PRRC1: variants seen among roughly 807,000 people sequenced by gnomAD.
PRRC1 encodes proline rich coiled-coil 1.
A neutral mutation model predicts 40.7 loss-of-function variants in PRRC1; 39 were observed. The observed-to-expected ratio is 0.96, with a 90% CI of 0.74 to 1.25. PRRC1 has a LOEUF of 1.25. Ranked by LOEUF, PRRC1 falls within the 50% of genes most tolerant of loss-of-function variation. The probability of loss-of-function intolerance (pLI) is 0.00; values close to 1 mark genes in which losing one functional copy is unlikely to be tolerated. For synonymous variants in PRRC1, 175 were observed against 193.3 expected, an observed-to-expected ratio of 0.91 and a Z score of 0.79; for missense variants, 573 against 548.3, an observed-to-expected ratio of 1.05 and a Z score of -0.45.
In PRRC1 at chr5:127,552,071, A is replaced by T; in HGVS notation, c.*155A>T. 1.4e-6 allele frequency: 2 copies of T among 1,436,776 alleles called. No homozygotes were observed. The highest frequency in any genetic ancestry group is 1.8e-6 in the Non-Finnish European group (2 of 1,097,014). 89.0% of individuals were successfully genotyped at this position (1,436,776 alleles called of 1,614,324 possible). ...ATTTTTCTTTCTCTAGAAAGGCATC[A>T]TGTCATTCCAGGAGACAAAAAGAAA... On this transcript the variant is annotated 3_prime_UTR_variant, in exon 9 of 9. Transcript: ENST00000296666.
intron 6 of PRRC1, 121 bp from the exon 7 acceptor site, chr5:127,538,919 T>TCC (rs1767965460): frequency 1.7e-6 from 1 of 593,522 alleles, no homozygotes; most frequent in Non-Finnish European, 2.8e-6. Context: ...GTTTGAACGT[T>TCC]TACAGTGAGT....
At chr5:127,529,339 C>T (rs976986903) in intron 4 of PRRC1, among the ~76,000 whole-genome samples, 3 of 151,426 alleles carry the variant, frequency 2.0e-5, no homozygotes, top group Non-Finnish European at 4.4e-5. Flanking sequence ...TTTTTAATAC[C>T]CCTCTGTACT....
At position 127,553,314 on chromosome 5, in the gene PRRC1, ATGAATATTAAATT is replaced by A. The variant is rs1245187335; in HGVS notation, c.*1411_*1423del. The A allele has an allele frequency of 2.0e-6, 2 of 985,028 alleles. No homozygotes were observed. The highest frequency in any genetic ancestry group is 2.4e-6 in the Non-Finnish European group (2 of 829,542). The allele number at this position is 985,028 out of a possible 1,614,324, so 61.0% of individuals were successfully genotyped here. A position where few individuals can be genotyped will look rare whatever the true frequency, so the allele number is the denominator to read the frequency against. On this transcript the variant is annotated 3_prime_UTR_variant, in exon 9 of 9. Coordinates refer to ENST00000296666, the MANE Select transcript of PRRC1 (RefSeq NM_130809.5). Reference sequence around the variant, plus strand: ...ATTTTTTTACCTGAGGATAAGAAGAATGAATATTAAATTTGAATATTAAATATATGTTACTTTC... The same window carrying A: ...ATTTTTTTACCTGAGGATAAGAAGAATGAATATTAAATATATGTTACTTTC...
chr5:127,531,617 C>CTTCTTTTTTTTT lies in PRRC1; in HGVS notation c.757+1223_757+1224insCTTTTTTTTTTT, dbSNP rs1268819647. On this transcript the variant is annotated intron_variant, in intron 5 of 8. Coordinates refer to ENST00000296666, the MANE Select transcript of PRRC1 (RefSeq NM_130809.5). Reference sequence around the variant, plus strand: ...GCCAGGTGTTTTTATTCTTCTTCTTCTTTTTTTTTTTTTTTTTTTTTTTGA... The same window carrying CTTCTTTTTTTTT: ...GCCAGGTGTTTTTATTCTTCTTCTTCTTCTTTTTTTTTTTTTTTTTTTTTTTTTTTTTTTTGA... Among the ~76,000 whole-genome samples the CTTCTTTTTTTTT allele has an allele frequency of 4.3e-4, 43 of 99,644 alleles. 1 individual carries two copies. The highest frequency in any genetic ancestry group is 1.9e-3 in the African/African-American group (41 of 21,560). 65.4% of individuals were successfully genotyped at this position (99,644 alleles called of 152,430 possible). A position where few individuals can be genotyped will look rare whatever the true frequency, so the allele number is the denominator to read the frequency against.
chr5:127,548,687 T>TATTGA, intron 8 of PRRC1: 1 of 152,184 alleles, frequency 6.6e-6, no homozygotes, highest in Admixed American at 6.5e-5. Flanking sequence ...CTAAGAAAAC[T>TATTGA]ATTGGGCTGT....
chr5:127,548,459 T>TA (rs1218075072), intron 8 of PRRC1: 1 of 151,700 alleles, frequency 6.6e-6, no homozygotes, highest in Admixed American at 6.6e-5. Flanking sequence ...TATTCCTCTT[T>TA]TTTTTTTTTT....
intron 7 of PRRC1, among the ~76,000 whole-genome samples, chr5:127,545,847 T>G (rs1011037338): frequency 1.3e-5 from 2 of 152,238 alleles, no homozygotes; most frequent in Non-Finnish European, 1.5e-5. Flanking sequence ...TGTTGTTTTC[T>G]CTGGCTGCTT....
intron 6 of PRRC1, among the ~76,000 whole-genome samples, chr5:127,535,095 A>C (rs1767863639): frequency 6.6e-6 from 1 of 152,172 alleles, no homozygotes; most frequent in Non-Finnish European, 1.5e-5. Flanking sequence ...TACGATGGTT[A>C]GGATACTGTG....
rs7522 is a variant in PRRC1, at chr5:127,551,877, G to A, written c.1299G>A (p.Ala433=). ...QMIYSAARAI[A]GMYKQRLPPR... ...TCTACAGTGCAGCCAGAGCGATAGC[G>A]GGCATGTATAAACAGCGCCTGCCAC... The change falls in exon 9 of 9, where the codon GCG becomes GCA. Residue 433 remains alanine, a synonymous_variant. Coordinates refer to ENST00000296666, the MANE Select transcript of PRRC1 (RefSeq NM_130809.5). 507,148 of 1,613,642 alleles carry A rather than the reference G, an allele frequency of 0.31. 82,301 individuals are homozygous for A. Among genetic ancestry groups the A allele is most frequent in the East Asian group, 0.52 (23,407 of 44,840 alleles).
At chr5:127,538,015 T>C (rs1338901560) in intron 6 of PRRC1, among the ~76,000 whole-genome samples, 1 of 152,002 alleles carries the variant, frequency 6.6e-6, no homozygotes, top group Non-Finnish European at 1.5e-5. Context: ...TAAGTTCTTA[T>C]TGAACACCTA....
intron 3 of PRRC1, 77 bp downstream of exon 3, chr5:127,524,997 A>G: frequency 1.5e-6 from 2 of 1,366,426 alleles, no homozygotes; most frequent in Non-Finnish European, 2.0e-6. Context: ...AGCTTTGTTG[A>G]GATATAATTT....
At chr5:127,521,351 A>G (rs893119699) in intron 1 of PRRC1, among the ~76,000 whole-genome samples, 1 of 152,106 alleles carries the variant, frequency 6.6e-6, no homozygotes, top group Non-Finnish European at 1.5e-5. Flanking sequence ...CTTCCCGCCA[A>G]ACTACTCACC....
rs764500727 is a variant in PRRC1, at chr5:127,530,407, A to G, written c.757+11A>G. 2.7e-5 allele frequency: 43 copies of G among 1,598,678 alleles called. No individual in the cohort carries two copies. The highest frequency in any genetic ancestry group is 3.7e-5 in the Non-Finnish European group (43 of 1,168,634). On this transcript the variant is annotated intron_variant, in intron 5 of 8. Coordinates refer to ENST00000296666, the MANE Select transcript of PRRC1 (RefSeq NM_130809.5). ...TGGCTCCCTATATCAGTATGTACAT[A>G]AGTTAGACCGGTATCTGCCATTTTT...
chr5:127,532,022 A>G (rs562813951), intron 5 of PRRC1, among the ~76,000 whole-genome samples: 11 of 152,232 alleles, frequency 7.2e-5, no homozygotes, highest in Middle Eastern at 3.4e-3. Flanking sequence ...ATAAAATCGA[A>G]TTTAAGAAAG....
intron 5 of PRRC1, among the ~76,000 whole-genome samples, chr5:127,531,574 G>C (rs1037351989): frequency 3.3e-5 from 5 of 150,328 alleles, no homozygotes. Flanking sequence ...TTAATCCTTA[G>C]AGCAAACCCT....
Position 127,552,937 on chromosome 5 carries a change from T to C in PRRC1, c.*1021T>C, listed in dbSNP as rs1199877747. 1.1e-6 allele frequency: 1 copy of C among 889,762 alleles called. No individual in the cohort carries two copies. Among genetic ancestry groups the C allele is most frequent in the Non-Finnish European group, 1.3e-6 (1 of 743,724 alleles). The allele number at this position is 889,762 out of a possible 1,614,324, so 55.1% of individuals were successfully genotyped here. ...TTCAAAGAAACTATTTTATATTCAATCTAGTTTATTTAGTCTACTGTATTT... is the reference window on the plus strand; with the variant it reads ...TTCAAAGAAACTATTTTATATTCAACCTAGTTTATTTAGTCTACTGTATTT... On this transcript the variant is annotated 3_prime_UTR_variant, in exon 9 of 9. Coordinates refer to ENST00000296666, the MANE Select transcript of PRRC1 (RefSeq NM_130809.5).
Position 127,526,692 on chromosome 5 carries a change from A to C in PRRC1, c.568A>C (p.Ile190Leu). The C allele has an allele frequency of 6.2e-7, 1 of 1,613,754 alleles. No homozygotes were observed. The highest frequency in any genetic ancestry group is 8.5e-7 in the Non-Finnish European group (1 of 1,179,780). The change falls in exon 4 of 9, where the codon ATT (isoleucine) becomes CTT (leucine). Residue 190 changes from isoleucine (I) to leucine (L), a missense_variant. Coordinates refer to ENST00000296666, the MANE Select transcript of PRRC1 (RefSeq NM_130809.5). ...LAQGTGTTSA[I>L]TFPEEQEDPR... ...ACAGGGAACTGGAACCACATCAGCC[A>C]TTACTTTCCCAGAGGAGCAAGAAGA...
At chr5:127,529,339 C>A (rs976986903) in intron 4 of PRRC1, among the ~76,000 whole-genome samples, 1 of 151,426 alleles carries the variant, frequency 6.6e-6, no homozygotes, top group African/African-American at 2.4e-5. Flanking sequence ...TTTTTAATAC[C>A]CCTCTGTACT....
intron 7 of PRRC1, among the ~76,000 whole-genome samples, chr5:127,542,739 C>T (rs543206144): frequency 6.7e-5 from 10 of 150,258 alleles, no homozygotes; most frequent in Non-Finnish European, 1.0e-4. Context: ...AGATCTTCCT[C>T]CATCCTTTTA....
Sources: gnomAD v4.1 joint callset for allele counts (sites outside exome capture counted in the v4.1 genomes callset) on GRCh38, gnomAD v4.1.1 for gene constraint, MANE v1.5 for transcripts, NCBI Gene and HGNC (gene_info 2026-07-23, HGNC 2026-07-21) for gene names.